POC1B: variants seen among roughly 807,000 people sequenced by gnomAD.
POC1B encodes the protein POC1 centriolar protein B, also known as POC1 centriolar protein homolog B.
POC1B carries 44 observed loss-of-function variants against 60.6 expected under a neutral mutation model. The observed-to-expected ratio is 0.73, with a 90% confidence interval of 0.57 to 0.93. POC1B has a LOEUF of 0.93. POC1B is among the 40% of genes least tolerant of loss of function. The pLI, the probability that POC1B is intolerant of heterozygous loss-of-function variation, is 0.00. For synonymous variants in POC1B, 180 were observed against 198.9 expected, an observed-to-expected ratio of 0.90 and a Z score of 0.80; for missense variants, 555 against 572.3, an observed-to-expected ratio of 0.97 and a Z score of 0.31.
chr12:89,406,917 G>C, the POC1B span, among the ~76,000 whole-genome samples: 573 of 151,964 alleles, frequency 3.8e-3, 2 homozygotes, highest in African/African-American at 0.013. Context: ...AGGTGGAGAC[G>C]ATAGGATCAC....
intron 9 of POC1B, chr12:89,460,019 A>G (rs1327337406): frequency 2.4e-6 from 1 of 421,370 alleles, no homozygotes; most frequent in Non-Finnish European, 4.6e-6. Context: ...GACCCACCTC[A>G]AAAGATGAAG....
At chr12:89,412,481 C>G in the POC1B span, among the ~76,000 whole-genome samples, 2 of 151,146 alleles carry the variant, frequency 1.3e-5, 1 homozygote, top group South Asian at 4.2e-4. Flanking sequence ...GAGTTTGAGA[C>G]CAGCCTGGCC....
intron 10 of POC1B, among the ~76,000 whole-genome samples, chr12:89,433,230 T>G (rs1468507210): frequency 2.6e-5 from 4 of 152,080 alleles, no homozygotes; most frequent in Non-Finnish European, 5.9e-5. Context: ...TGGAAAGGGA[T>G]GAGGGGCCAA....
At chr12:89,441,366 G>A (rs1227117042) in intron 10 of POC1B, among the ~76,000 whole-genome samples, 2 of 152,220 alleles carry the variant, frequency 1.3e-5, no homozygotes, top group Non-Finnish European at 2.9e-5. Flanking sequence ...GTACCTCCCA[G>A]TAGGGGCTGA....
At chr12:89,524,156 T>C in intron 2 of POC1B, 2 of 1,614,056 alleles carry the variant, frequency 1.2e-6, no homozygotes, top group Non-Finnish European at 1.7e-6. Flanking sequence ...GGAAGTGTCC[T>C]ATAGTTGAAC....
rs933881659 is a variant in POC1B at position 89,472,796 on chromosome 12, T to C, written c.453-521A>G. 2.0e-5 allele frequency: 3 copies of C among 153,324 alleles called. No homozygotes were observed. In the Admixed American group the frequency reaches 2.0e-4, roughly 10 times the overall value. 9.5% of individuals were successfully genotyped at this position (153,324 alleles called of 1,614,324 possible). A position where few individuals can be genotyped will look rare whatever the true frequency, so the allele number is the denominator to read the frequency against. ...TGCCCATGCCTGTAACTTCCTGGAC[T>C]TGGGGAGGCCAGAGAGCTCCAATGG... is the stretch of plus-strand genomic sequence containing the variant. On this transcript the variant is annotated intron_variant, in intron 4 of 11. Transcript: ENST00000313546.
chr12:89,441,909 A>C (rs1442207134), intron 10 of POC1B, among the ~76,000 whole-genome samples: 1 of 152,084 alleles, frequency 6.6e-6, no homozygotes, highest in Non-Finnish European at 1.5e-5. Flanking sequence ...TAGAATAAAC[A>C]GCGTTTATGA....
intron 4 of POC1B, among the ~76,000 whole-genome samples, chr12:89,483,145 AC>A (rs1868442843): frequency 6.6e-6 from 1 of 151,994 alleles, no homozygotes; most frequent in African/African-American, 2.4e-5. Flanking sequence ...CAGGTGATCC[AC>A]CCACCTTGGC....
At chr12:89,401,750 T>C in the POC1B span, among the ~76,000 whole-genome samples, 7 of 152,220 alleles carry the variant, frequency 4.6e-5, no homozygotes, top group Admixed American at 4.6e-4. Context: ...TCCTAAGAAC[T>C]GAACAATGTG....
At chr12:89,500,859 G>C in intron 2 of POC1B, 1 of 1,060,892 alleles carries the variant, frequency 9.4e-7, no homozygotes. Context: ...TTCAGAATAT[G>C]AAATTCAATG....
chr12:89,523,631 G>A (rs1592653398), intron 2 of POC1B: 1 of 1,542,620 alleles, frequency 6.5e-7, no homozygotes, highest in African/African-American at 1.4e-5. Flanking sequence ...GCCATGGTAG[G>A]TGATCTGATG....
At chr12:89,514,513 A>G (rs892951235) in intron 2 of POC1B, among the ~76,000 whole-genome samples, 17 of 143,264 alleles carry the variant, frequency 1.2e-4, no homozygotes, top group African/African-American at 4.4e-4. Flanking sequence ...GGTTCAAGCA[A>G]TTCTCCTCCC....
In POC1B at chr12:89,470,487, G is replaced by A. The variant is rs185311452; in HGVS notation, c.684C>T (p.Ser228=). 154 of 1,600,696 alleles carry A rather than the reference G, an allele frequency of 9.6e-5. No individual in the cohort carries two copies. In the East Asian group the frequency reaches 2.0e-3, roughly 21 times the overall value. ...NKLLQHYQVH[S]GGVNCISFHP... ...GGAATGATATGCAATTAACTCCACC[G>A]CTGTGAACTGATTTGTAGAAAATAA... The change falls in exon 7 of 12, where the codon AGC becomes AGT. Residue 228 remains serine, a synonymous_variant. Coordinates refer to ENST00000313546, the MANE Select transcript of POC1B (RefSeq NM_172240.3).
At chr12:89,522,630 C>T (rs948669798) in intron 2 of POC1B, 5 of 585,848 alleles carry the variant, frequency 8.5e-6, no homozygotes, top group African/African-American at 7.7e-5. Context: ...AAATATTAAA[C>T]AGCAGCACTC....
chr12:89,502,211 TG>T, intron 2 of POC1B: 2 of 1,158,652 alleles, frequency 1.7e-6, no homozygotes, highest in Non-Finnish European at 2.6e-6. Flanking sequence ...AATAATGATG[TG>T]GATGATGAGG....
At chr12:89,403,424 G>A in the POC1B span, among the ~76,000 whole-genome samples, 30 of 152,060 alleles carry the variant, frequency 2.0e-4, no homozygotes, top group Non-Finnish European at 3.4e-4. Context: ...AACCCTCAAG[G>A]TAAACTGAGT....
At chr12:89,412,280 C>T in the POC1B span, among the ~76,000 whole-genome samples, 1 of 151,986 alleles carries the variant, frequency 6.6e-6, no homozygotes, top group African/African-American at 2.4e-5. Context: ...AAACAGTAGT[C>T]GTTTCTTAAG....
At chr12:89,486,511 AAGAC>A (rs764661646) in intron 4 of POC1B, among the ~76,000 whole-genome samples, 2 of 152,164 alleles carry the variant, frequency 1.3e-5, no homozygotes, top group South Asian at 2.1e-4. Context: ...TGACAGAAGA[AAGAC>A]AGAAAGTGAC....
chr12:89,523,601 TG>T, intron 2 of POC1B: 2 of 1,563,058 alleles, frequency 1.3e-6, no homozygotes, highest in Non-Finnish European at 1.7e-6. Flanking sequence ...TATTTCTTGC[TG>T]ACAGCAAACA....
Sources: gnomAD v4.1 joint callset for allele counts (sites outside exome capture counted in the v4.1 genomes callset) on GRCh38, gnomAD v4.1.1 for gene constraint, MANE v1.5 for transcripts, NCBI Gene and HGNC (gene_info 2026-07-23, HGNC 2026-07-21) for gene names.